OSBPL9: variants seen among roughly 807,000 people sequenced by gnomAD.
The protein encoded by OSBPL9 is oxysterol binding protein like 9.
Under a neutral mutation model 106.6 loss-of-function variants are expected in OSBPL9, and 40 were observed. The ratio of observed to expected loss-of-function variants is 0.38; its 90% CI spans 0.29 to 0.49. The LOEUF is 0.49. Among genes scored for constraint, OSBPL9 ranks in the 20% least tolerant of loss-of-function variants. OSBPL9 has a pLI of 0.97. For synonymous variants in OSBPL9, 269 were observed against 295.4 expected, an observed-to-expected ratio of 0.91 and a Z score of 0.92; for missense variants, 609 against 887.2, an observed-to-expected ratio of 0.69 and a Z score of 3.98.
chr1:51,533,426 C>T, the OSBPL9 span, among the ~76,000 whole-genome samples: 2 of 142,774 alleles, frequency 1.4e-5, no homozygotes, highest in East Asian at 2.1e-4. Context: ...GCGGAGGTTT[C>T]GGTGAGTGGA....
At chr1:51,627,683 G>T (rs2148643627) in intron 1 of OSBPL9, among the ~76,000 whole-genome samples, 1 of 150,690 alleles carries the variant, frequency 6.6e-6, no homozygotes, top group Non-Finnish European at 1.5e-5. Flanking sequence ...GTATTAACAT[G>T]TTCATCTCTC....
chr1:51,748,785 C>T (rs1027366082), intron 7 of OSBPL9, among the ~76,000 whole-genome samples: 11 of 152,120 alleles, frequency 7.2e-5, no homozygotes, highest in African/African-American at 2.7e-4. Context: ...CTGCCTCAGC[C>T]TTCAAAAGTG....
At chr1:51,688,656 T>A (rs1338419203) in intron 3 of OSBPL9, among the ~76,000 whole-genome samples, 1 of 152,152 alleles carries the variant, frequency 6.6e-6, no homozygotes, top group African/African-American at 2.4e-5. Flanking sequence ...TTTAAAAGAA[T>A]TTTAAAAAAG....
At position 51,750,135 on chromosome 1, in the gene OSBPL9, G is replaced by C; in HGVS notation, c.493-10G>C. The C allele has an allele frequency of 6.3e-7, 1 of 1,589,974 alleles. No homozygotes were observed. Among genetic ancestry groups the C allele is most frequent in the East Asian group, 2.3e-5 (1 of 44,122 alleles). On this transcript the variant is annotated splice_polypyrimidine_tract_variant and intron_variant, in intron 7 of 23. Coordinates refer to ENST00000428468, the MANE Select transcript of OSBPL9 (RefSeq NM_024586.6). Reference sequence around the variant, plus strand: ...GCCAAGATCCTAAAATCAGTGTTTTGTTTTTATAGAGCATGGTAGAATCAA... The same window carrying C: ...GCCAAGATCCTAAAATCAGTGTTTTCTTTTTATAGAGCATGGTAGAATCAA...
At chr1:51,785,642 T>A in intron 20 of OSBPL9, 166 bp from the exon 21 acceptor site, 1 of 590,390 alleles carries the variant, frequency 1.7e-6, no homozygotes, top group South Asian at 2.1e-5. Flanking sequence ...TTGAAGGCCC[T>A]CATTCTTATA....
the OSBPL9 span, among the ~76,000 whole-genome samples, chr1:51,521,140 T>C: frequency 5.5e-3 from 844 of 152,318 alleles, 3 homozygotes; most frequent in Non-Finnish European, 9.5e-3. Flanking sequence ...CAAAGCAGCA[T>C]AGTATAGTGA....
chr1:51,692,308 G>A (rs79338364), intron 3 of OSBPL9, among the ~76,000 whole-genome samples: 3,522 of 152,268 alleles, frequency 0.023, 80 homozygotes, highest in Middle Eastern at 0.088. Context: ...GTAAGACCTC[G>A]TCTGAAATAA....
chr1:51,557,270 A>G, the OSBPL9 span, among the ~76,000 whole-genome samples: 1 of 152,186 alleles, frequency 6.6e-6, no homozygotes, highest in Non-Finnish European at 1.5e-5. Context: ...TTGAATAGAG[A>G]TAACTATTTT....
At chr1:51,686,859 T>C (rs151278729) in intron 3 of OSBPL9, among the ~76,000 whole-genome samples, 1 of 152,326 alleles carries the variant, frequency 6.6e-6, no homozygotes, top group African/African-American at 2.4e-5. Context: ...TATTCCCAGA[T>C]TGTTGAAGGA....
At chr1:51,782,441 AATATAT>A in intron 16 of OSBPL9, 112 bp from the exon 17 acceptor site, 1 of 663,188 alleles carries the variant, frequency 1.5e-6, no homozygotes, top group South Asian at 2.5e-5. Flanking sequence ...CTACAATAGA[AATATAT>A]ATATAGGGTG....
chr1:51,676,131 A>G (rs1227655836), intron 3 of OSBPL9, among the ~76,000 whole-genome samples: 2 of 152,172 alleles, frequency 1.3e-5, no homozygotes, highest in African/African-American at 4.8e-5. Flanking sequence ...GAGATTTGTC[A>G]ACTAGTTTAT....
At chr1:51,742,904 A>G (rs1667233019) in intron 4 of OSBPL9, among the ~76,000 whole-genome samples, 1 of 152,206 alleles carries the variant, frequency 6.6e-6, no homozygotes, top group Non-Finnish European at 1.5e-5. Context: ...TGAGATACTT[A>G]AGACAAGACT....
At chr1:51,745,494 G>A in intron 4 of OSBPL9, 42 bp from the exon 5 acceptor site, 1 of 1,596,824 alleles carries the variant, frequency 6.3e-7, no homozygotes, top group Non-Finnish European at 8.5e-7. Context: ...ATTAAACTTT[G>A]CTTGGGTTCT....
the OSBPL9 span, chr1:51,561,888 A>G: frequency 6.6e-6 from 1 of 152,270 alleles, no homozygotes; most frequent in Non-Finnish European, 1.5e-5. Context: ...AGAGGGCTTT[A>G]CCTGCCAAAG....
intron 3 of OSBPL9, among the ~76,000 whole-genome samples, chr1:51,685,741 T>G (rs1004438611): frequency 1.3e-5 from 2 of 152,170 alleles, no homozygotes; most frequent in African/African-American, 2.4e-5. Context: ...TCCATTAACC[T>G]CTTACAAAAG....
intron 3 of OSBPL9, among the ~76,000 whole-genome samples, chr1:51,712,374 C>G (rs1040818842): frequency 6.6e-6 from 1 of 152,110 alleles, no homozygotes; most frequent in Admixed American, 6.5e-5. Flanking sequence ...TTCGGCTCCA[C>G]ATGAGAGGGA....
intron 3 of OSBPL9, among the ~76,000 whole-genome samples, chr1:51,706,575 C>T (rs922897732): frequency 3.3e-5 from 5 of 151,588 alleles, no homozygotes; most frequent in Non-Finnish European, 7.4e-5. Flanking sequence ...AATGTTTGCC[C>T]TCTATCTCAT....
intron 4 of OSBPL9, chr1:51,730,042 A>C (rs756959038): frequency 7.7e-7 from 1 of 1,294,800 alleles, no homozygotes; most frequent in Non-Finnish European, 9.9e-7. Context: ...GCCGGCCCCT[A>C]CCCCTGAGTC....
Position 51,776,833 on chromosome 1 carries a change from G to A in OSBPL9, c.1171G>A (p.Val391Ile). 6.2e-7 allele frequency: 1 copy of A among 1,602,248 alleles called. No individual in the cohort carries two copies. Among genetic ancestry groups the A allele is most frequent in the Non-Finnish European group, 8.5e-7 (1 of 1,169,918 alleles). The change falls in exon 15 of 24, where the codon GTA becomes ATA. Residue 391 changes from valine (V) to isoleucine (I), a missense_variant and splice_region_variant. Physicochemically the swap from Val to Ile is conservative, Grantham distance 29. Coordinates refer to ENST00000428468, the MANE Select transcript of OSBPL9 (RefSeq NM_024586.6). ...AGGGTCAAATGTGTATGTTTTTCAG[G>A]TAGTTCTTCCAACGTTTATTCTTGA... Reference protein sequence around the residue: ...QVRLGMDLTKVVLPTFILERR... With the variant: ...QVRLGMDLTKIVLPTFILERR...
Sources: allele counts gnomAD v4.1 joint callset (sites outside exome capture counted in the v4.1 genomes callset), GRCh38; gene constraint gnomAD v4.1.1; transcripts MANE v1.5; gene names NCBI Gene and HGNC (gene_info 2026-07-23, HGNC 2026-07-21).